Variants in SLC39A8 observed in about 807,000 individuals in gnomAD.
SLC39A8 encodes solute carrier family 39 member 8.
In SLC39A8, 15 loss-of-function variants were observed where a neutral mutation model predicts 40.4. That is an observed-to-expected ratio of 0.37 (90% CI 0.25 to 0.57). The LOEUF is 0.57. Among genes scored for constraint, SLC39A8 ranks in the 20% least tolerant of loss-of-function variants. SLC39A8 has a pLI of 0.75. For synonymous variants in SLC39A8, 223 were observed against 221.6 expected (o/e 1.01, Z -0.06); for missense variants, 472 against 558.8 (o/e 0.84, Z 1.57).
chr4:102,310,171 TTC>T (rs138436371), intron 3 of SLC39A8, among the ~76,000 whole-genome samples: 1,543 of 152,118 alleles, frequency 0.01, 29 homozygotes, highest in African/African-American at 0.034. Context: ...TACACTGTGG[TTC>T]TCTGTCTGAA....
chr4:102,307,563 G>A lies in SLC39A8; in HGVS notation c.425C>T (p.Ala142Val). 6.2e-7 allele frequency: 1 copy of A among 1,613,396 alleles called. No homozygotes were observed. Residue 142 changes from alanine to valine, a missense_variant, in exon 4 of 9, where the codon GCA (alanine) becomes GTA (valine). Physicochemically the swap from Ala to Val is moderately conservative, Grantham distance 64. Coordinates refer to ENST00000356736, the MANE Select transcript of SLC39A8 (RefSeq NM_001135146.2). ...AGTCAAAATCAATCCGAGGAGAGAT[G>A]CCAGATTAATAATCGTCACTGACAG... is the stretch of plus-strand genomic sequence containing the variant. The part of the protein sequence containing the change: ...GFLSVTIINL[A>V]SLLGLILTPL...
intron 2 of SLC39A8, among the ~76,000 whole-genome samples, chr4:102,337,644 T>C (rs1181926183): frequency 2.0e-5 from 3 of 152,180 alleles, no homozygotes; most frequent in South Asian, 4.1e-4. Flanking sequence ...CTTTCTCCAG[T>C]GTTGTGCAGT....
At position 102,262,824 on chromosome 4, in the gene SLC39A8, A is replaced by ATG; in HGVS notation, c.*219_*220insCA. The ATG allele has an allele frequency of 1.5e-6, 2 of 1,321,768 alleles. No homozygotes were observed. Among genetic ancestry groups the ATG allele is most frequent in the South Asian group, 2.1e-5 (1 of 48,490 alleles). The allele number at this position is 1,321,768 out of a possible 1,614,324, so 81.9% of individuals were successfully genotyped here. A position where few individuals can be genotyped will look rare whatever the true frequency, so the allele number is the denominator to read the frequency against. On this transcript the variant is annotated 3_prime_UTR_variant, in exon 9 of 9. Coordinates refer to ENST00000356736, the MANE Select transcript of SLC39A8 (RefSeq NM_001135146.2). ...AAATAGGTATTTCCCAAAGGCTCCT[A>ATG]TATACCAGGCATCTCAGACTGACAC...
intron 2 of SLC39A8, among the ~76,000 whole-genome samples, chr4:102,332,050 A>C (rs1237924741): frequency 6.6e-6 from 1 of 152,218 alleles, no homozygotes; most frequent in Non-Finnish European, 1.5e-5. Context: ...TAAGACCTAA[A>C]ACCATAAAAA....
At chr4:102,286,785 T>C (rs1398758314) in intron 6 of SLC39A8, among the ~76,000 whole-genome samples, 1 of 152,128 alleles carries the variant, frequency 6.6e-6, no homozygotes, top group Non-Finnish European at 1.5e-5. Flanking sequence ...AGACTGGTAA[T>C]CAAAACTAAC....
At chr4:102,253,359 T>C in exon 12 of SLC39A8, 2 of 702,564 alleles carry the variant, frequency 2.8e-6, no homozygotes, top group Non-Finnish European at 5.3e-6. Context: ...CTCTAACCAA[T>C]CACTGTTGAA....
At chr4:102,335,203 G>A (rs1735615453) in intron 2 of SLC39A8, among the ~76,000 whole-genome samples, 1 of 152,058 alleles carries the variant, frequency 6.6e-6, no homozygotes, top group African/African-American at 2.4e-5. Context: ...TCTATTACCT[G>A]GTACCATCAT....
chr4:102,277,623 A>G (rs2149012821), intron 6 of SLC39A8, among the ~76,000 whole-genome samples: 1 of 152,306 alleles, frequency 6.6e-6, no homozygotes, highest in South Asian at 2.1e-4. Context: ...TCAAAGAATT[A>G]GAAAAAAACT....
chr4:102,264,878 T>C (rs1341124606), intron 8 of SLC39A8, among the ~76,000 whole-genome samples: 1 of 152,238 alleles, frequency 6.6e-6, no homozygotes, highest in South Asian at 2.1e-4. Flanking sequence ...TTTACTTCTG[T>C]AAGCCATCAT....
intron 6 of SLC39A8, among the ~76,000 whole-genome samples, chr4:102,270,303 C>T (rs1192990276): frequency 6.6e-6 from 1 of 152,138 alleles, no homozygotes; most frequent in Non-Finnish European, 1.5e-5. Context: ...CCTCTAAGTA[C>T]AGATATTATT....
chr4:102,321,728 T>A (rs1405206996), intron 2 of SLC39A8, among the ~76,000 whole-genome samples: 2 of 152,162 alleles, frequency 1.3e-5, no homozygotes, highest in African/African-American at 4.8e-5. Context: ...CATTTCAAGT[T>A]GCAATGCTCC....
At chr4:102,309,908 G>A (rs948678759) in intron 3 of SLC39A8, among the ~76,000 whole-genome samples, 10 of 151,928 alleles carry the variant, frequency 6.6e-5, no homozygotes, top group African/African-American at 2.2e-4. Context: ...CATTGCCAGT[G>A]GTCTTGAAGT....
Position 102,262,767 on chromosome 4 carries a change from A to G in SLC39A8, c.*277T>C. On this transcript the variant is annotated 3_prime_UTR_variant, in exon 9 of 9. Coordinates refer to ENST00000356736, the MANE Select transcript of SLC39A8 (RefSeq NM_001135146.2). ...TTATAGAATGCATGTCTCTTGCTTCATGGTGATATCTAATATGCATGGAAT... is the reference window on the plus strand; with the variant it reads ...TTATAGAATGCATGTCTCTTGCTTCGTGGTGATATCTAATATGCATGGAAT... 8.9e-7 allele frequency: 1 copy of G among 1,124,274 alleles called. No homozygotes were observed. The highest frequency in any genetic ancestry group is 1.1e-6 in the Non-Finnish European group (1 of 918,060). The allele number at this position is 1,124,274 out of a possible 1,614,324, so 69.6% of individuals were successfully genotyped here. A position where few individuals can be genotyped will look rare whatever the true frequency, so the allele number is the denominator to read the frequency against.
chr4:102,335,458 G>A lies in SLC39A8; in HGVS notation c.219+8986C>T, dbSNP rs139762835. 3.9e-3 allele frequency among the ~76,000 whole-genome samples: 597 copies of A among 152,166 alleles called. 13 individuals are homozygous for A. Among genetic ancestry groups the A allele is most frequent in the Admixed American group, 0.033 (500 of 15,278 alleles). On this transcript the variant is annotated intron_variant, in intron 2 of 8. Coordinates refer to ENST00000356736, the MANE Select transcript of SLC39A8 (RefSeq NM_001135146.2). ...CAACAGGGTTCAGCTAAATGCAGAG[G>A]GTCCTGGATTCTTCGGCTTGCAAAA...
rs1470486827 is a variant in SLC39A8, at chr4:102,320,511, TGA to T, written c.220-4683_220-4682del. ...GTATATATATATGAGAATATATATA[TGA>T]GAGTATATATATATGAGAATATATA... On this transcript the variant is annotated intron_variant, in intron 2 of 8. Coordinates refer to ENST00000356736, the MANE Select transcript of SLC39A8 (RefSeq NM_001135146.2). 6.3e-5 allele frequency among the ~76,000 whole-genome samples: 4 copies of T among 63,304 alleles called. 1 individual carries two copies. Among genetic ancestry groups the T allele is most frequent in the Non-Finnish European group, 1.2e-4 (4 of 34,314 alleles). The allele number at this position is 63,304 out of a possible 152,430, so 41.5% of individuals were successfully genotyped here. A position where few individuals can be genotyped will look rare whatever the true frequency, so the allele number is the denominator to read the frequency against.
At chr4:102,310,879 T>C (rs893921901) in intron 3 of SLC39A8, among the ~76,000 whole-genome samples, 2 of 152,114 alleles carry the variant, frequency 1.3e-5, no homozygotes. Flanking sequence ...GTCAGGATAG[T>C]TTACATTTAT....
At chr4:102,271,253 G>A (rs1417219870) in intron 6 of SLC39A8, among the ~76,000 whole-genome samples, 2 of 152,110 alleles carry the variant, frequency 1.3e-5, no homozygotes, top group Non-Finnish European at 2.9e-5. Flanking sequence ...CACAAAGGAG[G>A]AGGTGAAGAA....
At chr4:102,254,530 C>T (rs1731667400) in intron 11 of SLC39A8, among the ~76,000 whole-genome samples, 1 of 152,188 alleles carries the variant, frequency 6.6e-6, no homozygotes, top group African/African-American at 2.4e-5. Flanking sequence ...TATTTCAACA[C>T]TAACCTAGAT....
At chr4:102,342,433 G>A (rs1384311642) in intron 2 of SLC39A8, among the ~76,000 whole-genome samples, 9 of 152,168 alleles carry the variant, frequency 5.9e-5, no homozygotes, top group Non-Finnish European at 1.0e-4. Context: ...CAGAGGGGGA[G>A]GTTGTGGTGA....
Sources: allele counts gnomAD v4.1 joint callset (sites outside exome capture counted in the v4.1 genomes callset), GRCh38; gene constraint gnomAD v4.1.1; transcripts MANE v1.5; gene names NCBI Gene and HGNC (gene_info 2026-07-23, HGNC 2026-07-21).